The following MTDH variants were observed in gnomAD, a reference collection of about 807,000 sequenced individuals.
MTDH encodes metadherin, also known as protein LYRIC.
In MTDH, 34 loss-of-function variants were observed where a neutral mutation model predicts 72.7. The observed-to-expected ratio is 0.47, with a 90% CI of 0.36 to 0.62. The LOEUF (loss-of-function observed/expected upper bound fraction) is 0.62, where lower values mean the gene tolerates loss of function less well. Ranked by LOEUF, MTDH falls within the 20% of genes least tolerant of loss-of-function variation. MTDH has a pLI of 0.00. For synonymous variants in MTDH, 266 were observed against 268.9 expected (o/e 0.99, Z 0.10); for missense variants, 677 against 699.4 (o/e 0.97, Z 0.36).
intron 10 of MTDH, among the ~76,000 whole-genome samples, chr8:97,719,896 C>T (rs1012845801): frequency 1.3e-5 from 2 of 152,200 alleles, no homozygotes; most frequent in Non-Finnish European, 2.9e-5. Context: ...GATGTGCCTT[C>T]TATGGAAAGT....
chr8:97,681,398 T>A (rs1226120515), intron 2 of MTDH, among the ~76,000 whole-genome samples: 2 of 151,430 alleles, frequency 1.3e-5, no homozygotes, highest in Admixed American at 1.3e-4. Flanking sequence ...GTAGGAAATA[T>A]CTGCAGCGGT....
Position 97,723,045 on chromosome 8 carries a change from C to A in MTDH, c.1678+10C>A, listed in dbSNP as rs1376928930. 4 of 1,611,414 alleles carry A rather than the reference C, an allele frequency of 2.5e-6. No homozygotes were observed. The highest frequency in any genetic ancestry group is 1.3e-5 in the African/African-American group (1 of 74,860). On this transcript the variant is annotated intron_variant, in intron 11 of 11. Transcript: ENST00000336273. ...GTGCCTCCTTCACAGAGTAAGTAATCCTCATTTTTTGTTCCTTTGTACTGT... is the reference window on the plus strand; with the variant it reads ...GTGCCTCCTTCACAGAGTAAGTAATACTCATTTTTTGTTCCTTTGTACTGT...
At chr8:97,713,808 C>A in intron 9 of MTDH, 39 bp downstream of exon 9, 1 of 1,225,852 alleles carries the variant, frequency 8.2e-7, no homozygotes, top group Non-Finnish European at 1.1e-6. Context: ...TAAGCGCCTC[C>A]GGCTTAAAAT....
intron 6 of MTDH, among the ~76,000 whole-genome samples, chr8:97,697,028 A>G (rs1388219514): frequency 6.7e-6 from 1 of 148,974 alleles, no homozygotes; most frequent in Non-Finnish European, 1.5e-5. Flanking sequence ...GGAGGATCGC[A>G]TTAGTCCAGG....
chr8:97,724,275 C>G (rs1815270525), intron 11 of MTDH, among the ~76,000 whole-genome samples: 2 of 152,118 alleles, frequency 1.3e-5, no homozygotes, highest in Admixed American at 1.3e-4. Flanking sequence ...CTCCTTTACT[C>G]TCTTCAGCTA....
chr8:97,669,575 A>G (rs998461054), intron 2 of MTDH, among the ~76,000 whole-genome samples: 8 of 147,700 alleles, frequency 5.4e-5, no homozygotes, highest in African/African-American at 7.6e-5. Flanking sequence ...AATTTCTGCT[A>G]TAATATCAAG....
chr8:97,656,932 A>G (rs1812000479), intron 1 of MTDH, among the ~76,000 whole-genome samples: 1 of 151,918 alleles, frequency 6.6e-6, no homozygotes, highest in African/African-American at 2.4e-5. Context: ...CAGTGAGCCA[A>G]GGTCATGCCA....
rs754288775 is a variant in MTDH, at chr8:97,724,696, T to G, written c.*26T>G. 5.9e-6 allele frequency: 9 copies of G among 1,526,334 alleles called. No individual in the cohort carries two copies. The Admixed American group carries it at 1.6e-4, about 28-fold the overall frequency. The allele number at this position is 1,526,334 out of a possible 1,614,324, so 94.5% of individuals were successfully genotyped here. A position where few individuals can be genotyped will look rare whatever the true frequency, so the allele number is the denominator to read the frequency against. ...AATTTTTTTTCCTGAATTGGACATG[T>G]GTTTGCAAACACTTGTCTTGAAGAT... On this transcript the variant is annotated 3_prime_UTR_variant, in exon 12 of 12. Transcript: ENST00000336273.
chr8:97,702,673 G>A (rs1357071430), intron 7 of MTDH, among the ~76,000 whole-genome samples: 1 of 152,144 alleles, frequency 6.6e-6, no homozygotes, highest in Non-Finnish European at 1.5e-5. Flanking sequence ...AGAAACAGCT[G>A]ACAACCAAAT....
Position 97,644,744 on chromosome 8 carries a change from A to C in MTDH, c.238A>C (p.Lys80Gln). ...GGCCGCGGCTTGCGCCGGCGCCCGC[A>C]AAAAGCGGAGGAGCCCGCCCCGCAA... is the stretch of plus-strand genomic sequence containing the variant. ...GWAAACAGAR[K>Q]KRRSPPRKRE... Residue 80 changes from lysine to glutamine, a missense_variant, in exon 1 of 12, where the codon AAA (lysine) becomes CAA (glutamine). Physicochemically the swap from Lys to Gln is moderately conservative, Grantham distance 53. This residue lies in a region of MTDH where 467 missense variants were observed against 469.1 expected (regional missense o/e 1.00). Transcript: ENST00000336273. The C allele has an allele frequency of 6.3e-7, 1 of 1,575,248 alleles. No homozygotes were observed. The highest frequency in any genetic ancestry group is 8.6e-7 in the Non-Finnish European group (1 of 1,167,382).
intron 1 of MTDH, among the ~76,000 whole-genome samples, chr8:97,647,336 T>C (rs1159131029): frequency 2.6e-5 from 4 of 152,120 alleles, no homozygotes; most frequent in Non-Finnish European, 5.9e-5. Flanking sequence ...ACTTTGAAAG[T>C]GGGTAGGAGT....
rs781164782 is a variant in MTDH at position 97,710,855 on chromosome 8, C to G, written c.1273-2807C>G. 9.6e-4 allele frequency among the ~76,000 whole-genome samples: 146 copies of G among 151,944 alleles called. 2 individuals are homozygous for G. Among genetic ancestry groups the G allele is most frequent in the Non-Finnish European group, 3.1e-4 (21 of 67,996 alleles). ...TCTCTACTGAAAATAGAAAAATTAG[C>G]CGGGCATGGTGGTGCACACCTATAA... On this transcript the variant is annotated intron_variant, in intron 8 of 11. Transcript: ENST00000336273.
At chr8:97,656,112 C>T (rs1811960125) in intron 1 of MTDH, among the ~76,000 whole-genome samples, 1 of 152,032 alleles carries the variant, frequency 6.6e-6, no homozygotes, top group Admixed American at 6.6e-5. Context: ...TCATTTGAAT[C>T]ATGATCTTTA....
chr8:97,676,163 C>T (rs1366684887), intron 2 of MTDH, among the ~76,000 whole-genome samples: 1 of 152,158 alleles, frequency 6.6e-6, no homozygotes, highest in African/African-American at 2.4e-5. Flanking sequence ...TGTTCTCGAA[C>T]TCCTGGATGC....
At chr8:97,676,795 A>T (rs1232050361) in intron 2 of MTDH, among the ~76,000 whole-genome samples, 1 of 151,860 alleles carries the variant, frequency 6.6e-6, no homozygotes, top group Non-Finnish European at 1.5e-5. Context: ...CGAGGTCAGG[A>T]GATCAAGACC....
intron 2 of MTDH, among the ~76,000 whole-genome samples, chr8:97,662,624 A>G (rs182764347): frequency 1.3e-5 from 2 of 151,768 alleles, no homozygotes; most frequent in East Asian, 2.0e-4. Context: ...TGTCTCTACT[A>G]AAAATACAAA....
chr8:97,699,759 A>C lies in MTDH; in HGVS notation c.1054A>C (p.Thr352Pro), dbSNP rs756601591. The change falls in exon 7 of 12, where the codon ACT becomes CCT. Residue 352 changes from threonine to proline, a missense_variant. By Grantham distance (38) the Thr-to-Pro change is conservative. Coordinates refer to ENST00000336273, the MANE Select transcript of MTDH (RefSeq NM_178812.4). ...DRSIFSGIGS[T>P]AEPVSQSTTS... ...GCATTCGTTTTTCATTTAAGGGTCT[A>C]CTGCTGAGCCAGTTTCTCAGTCTAC... is the stretch of plus-strand genomic sequence containing the variant. 1 of 1,605,964 alleles carries C rather than the reference A, an allele frequency of 6.2e-7. No homozygotes were observed. The highest frequency in any genetic ancestry group is 2.2e-5 in the East Asian group (1 of 44,720).
chr8:97,701,397 A>G (rs1259839667), intron 7 of MTDH, among the ~76,000 whole-genome samples: 1 of 152,180 alleles, frequency 6.6e-6, no homozygotes, highest in Non-Finnish European at 1.5e-5. Flanking sequence ...GTTATACTGT[A>G]TTGTTTAGGG....
intron 2 of MTDH, among the ~76,000 whole-genome samples, chr8:97,673,401 G>C (rs536125224): frequency 6.6e-6 from 1 of 152,288 alleles, no homozygotes; most frequent in African/African-American, 2.4e-5. Flanking sequence ...GTTCACGCCT[G>C]TAATCCCAGC....
Sources: gnomAD v4.1 joint callset for allele counts (sites outside exome capture counted in the v4.1 genomes callset) on GRCh38, gnomAD v4.1.1 for gene constraint, gnomAD v4.1.1 regional missense constraint, MANE v1.5 for transcripts, NCBI Gene and HGNC (gene_info 2026-07-23, HGNC 2026-07-21) for gene names.